Variants in TTLL5 observed in about 807,000 individuals in gnomAD.
The protein encoded by TTLL5 is tubulin polyglutamylase TTLL5.
In TTLL5, 132 loss-of-function variants were observed where a neutral mutation model predicts 168.4. That is an observed-to-expected ratio of 0.78 (90% CI 0.68 to 0.91). TTLL5 has a LOEUF of 0.91. Ranked by LOEUF, TTLL5 falls within the 40% of genes least tolerant of loss-of-function variation. The pLI is 0.00. For missense variants in TTLL5, 1,545 were observed against 1,581.5 expected (o/e 0.98, Z 0.39); for synonymous variants, 546 against 558.6 (o/e 0.98, Z 0.32).
intron 2 of TTLL5, among the ~76,000 whole-genome samples, chr14:75,666,417 T>A (rs1406021520): frequency 6.6e-6 from 1 of 152,238 alleles, no homozygotes; most frequent in Non-Finnish European, 1.5e-5. Context: ...GGATCCCAAA[T>A]ACAACTCTGT....
chr14:75,718,727 G>A (rs1052497939), intron 10 of TTLL5, among the ~76,000 whole-genome samples: 1 of 152,222 alleles, frequency 6.6e-6, no homozygotes, highest in Non-Finnish European at 1.5e-5. Context: ...AAAGGATTCA[G>A]TGGAAGGGAG....
At chr14:75,893,091 TA>T (rs1037955537) in intron 30 of TTLL5, among the ~76,000 whole-genome samples, 2 of 152,200 alleles carry the variant, frequency 1.3e-5, no homozygotes, top group African/African-American at 4.8e-5. Flanking sequence ...TCTTTACAGA[TA>T]AATTAATACT....
At chr14:75,755,091 C>A (rs1270923076) in intron 18 of TTLL5, among the ~76,000 whole-genome samples, 1 of 151,954 alleles carries the variant, frequency 6.6e-6, no homozygotes, top group East Asian at 1.9e-4. Flanking sequence ...ATGGAGAAAC[C>A]CCATCTCTAC....
chr14:75,909,846 G>C (rs184553260), intron 31 of TTLL5, among the ~76,000 whole-genome samples: 195 of 152,346 alleles, frequency 1.3e-3, no homozygotes, highest in African/African-American at 4.4e-3. Flanking sequence ...CTACATGGCA[G>C]AATCACCTGG....
chr14:75,882,583 C>T, intron 29 of TTLL5, 102 bp from the exon 30 acceptor site: 2 of 1,056,802 alleles, frequency 1.9e-6, no homozygotes, highest in Non-Finnish European at 2.7e-6. Flanking sequence ...AACAGTTGTC[C>T]TTTTCTTTTT....
chr14:75,845,056 T>C (rs1896470439), intron 28 of TTLL5, among the ~76,000 whole-genome samples: 1 of 152,216 alleles, frequency 6.6e-6, no homozygotes, highest in Non-Finnish European at 1.5e-5. Context: ...AAGTTACTGG[T>C]CATCTTTTGA....
intron 10 of TTLL5, 40 bp downstream of exon 10, chr14:75,718,002 C>G: frequency 1.3e-6 from 2 of 1,580,686 alleles, no homozygotes; most frequent in Non-Finnish European, 1.7e-6. Context: ...AGGTGTCAGT[C>G]TCAGATGTGG....
chr14:75,707,200 A>G, intron 8 of TTLL5, 113 bp downstream of exon 8: 3 of 814,008 alleles, frequency 3.7e-6, no homozygotes, highest in Non-Finnish European at 6.1e-6. Context: ...AATTCTTGAC[A>G]TGTGTGGCTC....
rs1186595068 is a variant in TTLL5 at position 75,745,558 on chromosome 14, A to C, written c.1464A>C (p.Thr488=). Residue 488 remains threonine, a synonymous_variant, in exon 17 of 32, where the codon ACA becomes ACC. Transcript: ENST00000298832. The stretch of plus-strand genomic sequence containing the variant: ...GTGGATTTATTCGCATATTTCCTAC[A>C]TCTGAGACATGGGAAATATATGGGT... ...RRGGFIRIFP[T]SETWEIYGSY... is the part of the protein sequence containing the mutation. 1.2e-6 allele frequency: 2 copies of C among 1,613,812 alleles called. No homozygotes were observed. Among genetic ancestry groups the C allele is most frequent in the Non-Finnish European group, 1.7e-6 (2 of 1,179,902 alleles).
chr14:75,664,560 T>C (rs1312105309), intron 2 of TTLL5, among the ~76,000 whole-genome samples: 1 of 152,240 alleles, frequency 6.6e-6, no homozygotes, highest in African/African-American at 2.4e-5. Context: ...GAATTTATGG[T>C]GGGCTTCTTG....
At chr14:75,707,592 T>A (rs1482242489) in intron 8 of TTLL5, 31 bp from the exon 9 acceptor site, 3 of 1,597,424 alleles carry the variant, frequency 1.9e-6, no homozygotes, top group Admixed American at 3.5e-5. Flanking sequence ...AACTTAGTTT[T>A]TTTTTGTGAA....
intron 31 of TTLL5, among the ~76,000 whole-genome samples, chr14:75,926,109 AGGGAG>A (rs2034054145): frequency 1.4e-4 from 17 of 122,730 alleles, no homozygotes; most frequent in African/African-American, 5.4e-4. Flanking sequence ...GGAGAGGGAG[AGGGAG>A]AACTTGTCTA....
At chr14:75,692,915 A>G (rs1026732315) in intron 6 of TTLL5, among the ~76,000 whole-genome samples, 1 of 152,066 alleles carries the variant, frequency 6.6e-6, no homozygotes, top group Non-Finnish European at 1.5e-5. Flanking sequence ...TTCTGGCCAG[A>G]GATGTAGATT....
chr14:75,677,975 C>T (rs761504207), intron 3 of TTLL5, among the ~76,000 whole-genome samples: 1 of 151,926 alleles, frequency 6.6e-6, no homozygotes, highest in Non-Finnish European at 1.5e-5. Context: ...TGTAACTGTT[C>T]TCTATTTTCT....
intron 23 of TTLL5, among the ~76,000 whole-genome samples, chr14:75,778,972 C>CT (rs1479904302): frequency 6.6e-6 from 1 of 152,138 alleles, no homozygotes; most frequent in Non-Finnish European, 1.5e-5. Context: ...ACAAGTGGCT[C>CT]TTTAAGTGAA....
chr14:75,903,850 C>T (rs1289536327), intron 31 of TTLL5, among the ~76,000 whole-genome samples: 1 of 151,282 alleles, frequency 6.6e-6, no homozygotes, highest in African/African-American at 2.4e-5. Flanking sequence ...AGTTGTGATC[C>T]TGCCACTGTA....
intron 29 of TTLL5, among the ~76,000 whole-genome samples, chr14:75,869,910 C>CT (rs2030882146): frequency 7.1e-6 from 1 of 139,868 alleles, no homozygotes; most frequent in Non-Finnish European, 1.5e-5. Context: ...ACGTCTGCCT[C>CT]CCGGGTTCAA....
At chr14:75,864,416 A>G (rs999009065) in intron 29 of TTLL5, among the ~76,000 whole-genome samples, 9 of 152,022 alleles carry the variant, frequency 5.9e-5, no homozygotes, top group Non-Finnish European at 1.2e-4. Flanking sequence ...TCTACTGTGT[A>G]CTAGGCACTG....
intron 28 of TTLL5, among the ~76,000 whole-genome samples, chr14:75,861,317 A>G (rs1488283948): frequency 6.6e-6 from 1 of 152,200 alleles, no homozygotes; most frequent in Non-Finnish European, 1.5e-5. Flanking sequence ...TCTCTCTAAG[A>G]GAGTTGGGAA....
Sources: allele counts gnomAD v4.1 joint callset (sites outside exome capture counted in the v4.1 genomes callset), GRCh38; gene constraint gnomAD v4.1.1; transcripts MANE v1.5; gene names NCBI Gene and HGNC (gene_info 2026-07-23, HGNC 2026-07-21).